NEDD4L: variants seen among roughly 807,000 people sequenced by gnomAD.
The protein encoded by NEDD4L is NEDD4 like E3 ubiquitin protein ligase.
A neutral mutation model predicts 148.9 loss-of-function variants in NEDD4L; 54 were observed. The observed-to-expected ratio is 0.36, with a 90% CI of 0.29 to 0.45. The LOEUF (loss-of-function observed/expected upper bound fraction) is 0.45, where lower values mean the gene tolerates loss of function less well. Among genes scored for constraint, NEDD4L ranks in the 20% least tolerant of loss-of-function variants. The pLI is 1.00. For missense variants in NEDD4L, 856 were observed against 1,233.8 expected (o/e 0.69, Z 4.59); for synonymous variants, 433 against 440.7 (o/e 0.98, Z 0.22).
chr18:58,325,498 C>T (rs1428661694), intron 9 of NEDD4L, among the ~76,000 whole-genome samples: 1 of 152,160 alleles, frequency 6.6e-6, no homozygotes, highest in Non-Finnish European at 1.5e-5. Flanking sequence ...TTCTTCTTCA[C>T]CTTTCTCTCC....
chr18:58,147,059 T>C (rs529832531), intron 1 of NEDD4L, among the ~76,000 whole-genome samples: 1 of 152,294 alleles, frequency 6.6e-6, no homozygotes, highest in African/African-American at 2.4e-5. Context: ...GTGGGAGGCC[T>C]GATGATGGCA....
At chr18:58,131,362 GTGT>G (rs1349938226) in intron 1 of NEDD4L, among the ~76,000 whole-genome samples, 2 of 147,114 alleles carry the variant, frequency 1.4e-5, no homozygotes, top group Non-Finnish European at 3.0e-5. Context: ...AACTGTGGTG[GTGT>G]TGGGCTCTGT....
At chr18:58,297,073 TGAGA>T (rs1261357465) in intron 5 of NEDD4L, among the ~76,000 whole-genome samples, 1 of 152,028 alleles carries the variant, frequency 6.6e-6, no homozygotes, top group South Asian at 2.1e-4. Context: ...TGCAATAGAG[TGAGA>T]GTCTGTCTCA....
At chr18:58,277,456 A>G (rs932797978) in intron 5 of NEDD4L, among the ~76,000 whole-genome samples, 10 of 151,976 alleles carry the variant, frequency 6.6e-5, no homozygotes, top group Non-Finnish European at 1.5e-4. Context: ...AGAAATGTCT[A>G]CCAGGCATCT....
intron 2 of NEDD4L, among the ~76,000 whole-genome samples, chr18:58,167,680 C>A (rs767088092): frequency 5.3e-5 from 8 of 152,000 alleles, no homozygotes; most frequent in Non-Finnish European, 1.2e-4. Context: ...TTTTTAATAT[C>A]TTTCTCCTAC....
At chr18:58,328,031 C>T (rs568485593) in intron 9 of NEDD4L, among the ~76,000 whole-genome samples, 1 of 151,560 alleles carries the variant, frequency 6.6e-6, no homozygotes, top group African/African-American at 2.4e-5. Flanking sequence ...GACATGATCT[C>T]TCAGCTCACT....
chr18:58,328,123 C>G (rs970273958), intron 9 of NEDD4L, among the ~76,000 whole-genome samples: 1 of 152,090 alleles, frequency 6.6e-6, no homozygotes, highest in Non-Finnish European at 1.5e-5. Context: ...CATCACCACA[C>G]TCGGCTAATT....
chr18:58,089,398 G>A (rs1244431886), intron 1 of NEDD4L, among the ~76,000 whole-genome samples: 1 of 152,054 alleles, frequency 6.6e-6, no homozygotes, highest in Non-Finnish European at 1.5e-5. Flanking sequence ...GACTTCCAAA[G>A]AGCTGGGATT....
At chr18:58,114,007 A>G (rs1340570576) in intron 1 of NEDD4L, among the ~76,000 whole-genome samples, 1 of 152,170 alleles carries the variant, frequency 6.6e-6, no homozygotes, top group Non-Finnish European at 1.5e-5. Flanking sequence ...CTCTCATACC[A>G]GCCGCAGGGC....
At chr18:58,094,213 C>T (rs2084243209) in intron 1 of NEDD4L, among the ~76,000 whole-genome samples, 1 of 150,202 alleles carries the variant, frequency 6.7e-6, no homozygotes, top group Non-Finnish European at 1.5e-5. Context: ...GAGATAGGGT[C>T]TCCATCTGTT....
intron 1 of NEDD4L, among the ~76,000 whole-genome samples, chr18:58,153,685 C>G (rs912927854): frequency 1.3e-5 from 2 of 150,816 alleles, no homozygotes; most frequent in African/African-American, 2.4e-5. Context: ...CTCGCTCTGT[C>G]CCCCAGGCTG....
chr18:58,272,790 C>T (rs1257311075), intron 5 of NEDD4L, among the ~76,000 whole-genome samples: 2 of 152,164 alleles, frequency 1.3e-5, no homozygotes, highest in South Asian at 2.1e-4. Context: ...GGTACTGTGC[C>T]GAGTTCTAGA....
intron 1 of NEDD4L, among the ~76,000 whole-genome samples, chr18:58,125,543 A>G (rs1450325984): frequency 6.6e-6 from 1 of 152,110 alleles, no homozygotes; most frequent in Non-Finnish European, 1.5e-5. Context: ...ATTTAGAACT[A>G]AAGCTCACTC....
chr18:58,268,102 A>AT (rs927098820), intron 5 of NEDD4L, among the ~76,000 whole-genome samples: 18 of 152,076 alleles, frequency 1.2e-4, no homozygotes, highest in African/African-American at 3.9e-4. Context: ...ATGCAGATTG[A>AT]TTACCCCAAC....
chr18:58,286,573 G>A (rs1336192836), intron 5 of NEDD4L, among the ~76,000 whole-genome samples: 1 of 152,076 alleles, frequency 6.6e-6, no homozygotes, highest in Non-Finnish European at 1.5e-5. Context: ...TCTTTATCAT[G>A]TTGATAAAAT....
chr18:58,113,712 T>A (rs1272259622), intron 1 of NEDD4L, among the ~76,000 whole-genome samples: 1 of 151,454 alleles, frequency 6.6e-6, no homozygotes, highest in Non-Finnish European at 1.5e-5. Context: ...GGTGGGGTGC[T>A]ATGTCATTGA....
intron 2 of NEDD4L, among the ~76,000 whole-genome samples, chr18:58,184,813 A>G (rs1343020826): frequency 6.6e-6 from 1 of 152,098 alleles, no homozygotes; most frequent in Non-Finnish European, 1.5e-5. Flanking sequence ...CTGTAGTCCC[A>G]GCTACTTGGG....
intron 1 of NEDD4L, among the ~76,000 whole-genome samples, chr18:58,069,473 C>G (rs147501060): frequency 1.6e-3 from 245 of 152,294 alleles, no homozygotes; most frequent in Non-Finnish European, 3.2e-3. Flanking sequence ...TTTTAGGAAG[C>G]AGTCCTAGGG....
intron 5 of NEDD4L, among the ~76,000 whole-genome samples, chr18:58,273,035 C>A (rs2051298023): frequency 6.6e-6 from 1 of 152,188 alleles, no homozygotes; most frequent in Non-Finnish European, 1.5e-5. Flanking sequence ...CTGGGAAGGA[C>A]CCCTGTGGGC....
Sources: gnomAD v4.1 joint callset for allele counts (sites outside exome capture counted in the v4.1 genomes callset) on GRCh38, gnomAD v4.1.1 for gene constraint, MANE v1.5 for transcripts, NCBI Gene and HGNC (gene_info 2026-07-23, HGNC 2026-07-21) for gene names.